The following WHRN variants were observed in gnomAD, a reference collection of about 807,000 sequenced individuals.
The protein encoded by WHRN is whirlin.
In WHRN, 41 loss-of-function variants were observed where a neutral mutation model predicts 68.3. The observed-to-expected ratio is 0.60, with a 90% CI of 0.47 to 0.78. The LOEUF is 0.78. WHRN is among the 30% of genes least tolerant of loss of function. The probability of loss-of-function intolerance (pLI) is 0.00; values close to 1 mark genes in which losing one functional copy is unlikely to be tolerated. For missense variants in WHRN, 1,243 were observed against 1,244.7 expected (o/e 1.00, Z 0.02); for synonymous variants, 560 against 561.3 (o/e 1.00, Z 0.03).
chr9:114,424,894 G>T, intron 5 of WHRN, 94 bp downstream of exon 5: 1 of 1,336,978 alleles, frequency 7.5e-7, no homozygotes. Flanking sequence ...TTGGAATGAG[G>T]TAGTGTAAGT....
intron 7 of WHRN, among the ~76,000 whole-genome samples, chr9:114,416,202 CAA>C (rs1458852728): frequency 7.2e-5 from 11 of 152,190 alleles, no homozygotes; most frequent in Admixed American, 3.9e-4. Context: ...GGCTGGAGCA[CAA>C]ACTCTCTCAA....
intron 3 of WHRN, among the ~76,000 whole-genome samples, chr9:114,456,927 T>G (rs1034505596): frequency 1.3e-4 from 20 of 152,102 alleles, no homozygotes; most frequent in African/African-American, 4.3e-4. Context: ...ATTCTTACTC[T>G]GGGAAAAAGC....
At chr9:114,431,385 G>T (rs1013561726) in intron 3 of WHRN, among the ~76,000 whole-genome samples, 1 of 152,188 alleles carries the variant, frequency 6.6e-6, no homozygotes, top group African/African-American at 2.4e-5. Flanking sequence ...CAGGTTCAGA[G>T]ATGTTGAGGG....
intron 11 of WHRN, 30 bp downstream of exon 11, chr9:114,403,187 A>G: frequency 6.2e-7 from 1 of 1,613,586 alleles, no homozygotes; most frequent in Non-Finnish European, 8.5e-7. Context: ...GGGTAGGGAG[A>G]GATGGCAAGT....
rs1325873328 is a variant in WHRN, at chr9:114,426,240, C to T, written c.1137G>A (p.Arg379=). Residue 379 remains arginine (R), a synonymous_variant, in exon 4 of 12, where the codon CGG becomes CGA. Coordinates refer to ENST00000362057, the MANE Select transcript of WHRN (RefSeq NM_015404.4). ...CCGAGTTCGCCATGGTCTCCCTGAT[C>T]CGGGAACTGGCGATCCACTTGGTCT... The part of the protein sequence containing the change: ...VDETKWIASS[R]IRETMANSAG... The T allele has an allele frequency of 1.2e-6, 2 of 1,612,564 alleles. No individual in the cohort carries two copies. The highest frequency in any genetic ancestry group is 1.7e-5 in the Admixed American group (1 of 60,032).
chr9:114,403,440 A>G, intron 10 of WHRN, 101 bp from the exon 11 acceptor site: 1 of 1,507,672 alleles, frequency 6.6e-7, no homozygotes, highest in Non-Finnish European at 9.2e-7. Context: ...AGCAGAGCTC[A>G]GGCTCCAGCC....
rs749433283 is a variant in WHRN at position 114,423,403 on chromosome 9, C to G, written c.1537G>C (p.Ala513Pro). The G allele has an allele frequency of 2.5e-6, 4 of 1,614,092 alleles. No homozygotes were observed. The South Asian group carries it at 4.4e-5, about 18-fold the overall frequency. The change falls in exon 7 of 12, where the codon GCT becomes CCT. Residue 513 changes from alanine (A) to proline (P), a missense_variant. Transcript: ENST00000362057. ...MKARQPPGPG[A>P]GDTYSMVSYS... ...GAGACCATGGAGTAGGTGTCCCCAG[C>G]CCCGGGGCCTGGGGGCTGCCGCGCC...
intron 1 of WHRN, among the ~76,000 whole-genome samples, chr9:114,492,894 G>C (rs1435064434): frequency 1.3e-5 from 2 of 152,150 alleles, no homozygotes; most frequent in Admixed American, 6.5e-5. Context: ...GCGCAAGCCT[G>C]TAGTCCCAGC....
chr9:114,467,281 C>T (rs896278871), intron 2 of WHRN, among the ~76,000 whole-genome samples: 53 of 152,182 alleles, frequency 3.5e-4, no homozygotes, highest in Middle Eastern at 3.4e-3. Flanking sequence ...AATGCAGTCC[C>T]GGTGCTGGGG....
chr9:114,457,839 C>T (rs1306161698), intron 3 of WHRN, among the ~76,000 whole-genome samples: 2 of 151,610 alleles, frequency 1.3e-5, no homozygotes, highest in Non-Finnish European at 2.9e-5. Flanking sequence ...TCGCTTGAAC[C>T]CAGGAGGCAG....
At chr9:114,406,282 T>C (rs1779536706) in intron 9 of WHRN, 73 bp downstream of exon 9, 2 of 1,596,888 alleles carry the variant, frequency 1.3e-6, no homozygotes, top group East Asian at 2.2e-5. Context: ...CCCTTCACTG[T>C]GTCATCAGGT....
At chr9:114,457,682 G>C (rs963817160) in intron 3 of WHRN, among the ~76,000 whole-genome samples, 1 of 152,130 alleles carries the variant, frequency 6.6e-6, no homozygotes, top group African/African-American at 2.4e-5. Flanking sequence ...TTGGGAGGCC[G>C]AGGCGGGTGG....
intron 3 of WHRN, among the ~76,000 whole-genome samples, chr9:114,457,297 T>G (rs1839887751): frequency 1.3e-5 from 2 of 152,158 alleles, no homozygotes. Context: ...TGGGATTTCT[T>G]GTGCCAGAAA....
At chr9:114,465,036 G>A (rs1044543846) in intron 3 of WHRN, among the ~76,000 whole-genome samples, 1 of 152,146 alleles carries the variant, frequency 6.6e-6, no homozygotes, top group Admixed American at 6.5e-5. Context: ...TACAGGAAAG[G>A]GAAGCCCAGA....
chr9:114,464,235 C>T (rs971208861), intron 3 of WHRN, among the ~76,000 whole-genome samples: 1 of 152,134 alleles, frequency 6.6e-6, no homozygotes, highest in East Asian at 1.9e-4. Flanking sequence ...AGAAGACACA[C>T]GATCCATGTA....
intron 8 of WHRN, among the ~76,000 whole-genome samples, chr9:114,407,177 G>A (rs190416042): frequency 5.4e-4 from 83 of 152,342 alleles, no homozygotes; most frequent in Non-Finnish European, 1.1e-3. Flanking sequence ...CAGGGAACAA[G>A]ACTTCATTAG....
At chr9:114,473,381 C>A (rs756775949) in intron 2 of WHRN, among the ~76,000 whole-genome samples, 1 of 152,158 alleles carries the variant, frequency 6.6e-6, no homozygotes, top group Non-Finnish European at 1.5e-5. Context: ...GTGCGAGGGC[C>A]GGACCCAAAG....
At chr9:114,424,616 C>T (rs369859534) in intron 5 of WHRN, 70 bp from the exon 6 acceptor site, 32 of 1,485,674 alleles carry the variant, frequency 2.2e-5, no homozygotes, top group Non-Finnish European at 2.9e-5. Context: ...TGCCACTCCC[C>T]CTCTGCCCTT....
intron 2 of WHRN, among the ~76,000 whole-genome samples, chr9:114,472,938 C>A (rs1329565908): frequency 6.6e-6 from 1 of 152,206 alleles, no homozygotes; most frequent in Non-Finnish European, 1.5e-5. Flanking sequence ...AAGTGGCTTG[C>A]CCAAGGTCAC....
Sources: gnomAD v4.1 joint callset for allele counts (sites outside exome capture counted in the v4.1 genomes callset) on GRCh38, gnomAD v4.1.1 for gene constraint, MANE v1.5 for transcripts, NCBI Gene and HGNC (gene_info 2026-07-23, HGNC 2026-07-21) for gene names.